Variants in SLC29A2 observed in about 807,000 individuals in gnomAD.
The protein encoded by SLC29A2 is solute carrier family 29 member 2.
SLC29A2 carries 37 observed loss-of-function variants against 48.8 expected under a neutral mutation model. That is an observed-to-expected ratio of 0.76 (90% CI 0.58 to 1.00). The LOEUF (loss-of-function observed/expected upper bound fraction) is 1.00. SLC29A2 is among the 50% of genes least tolerant of loss of function. SLC29A2 has a pLI of 0.00. For missense variants in SLC29A2, 533 were observed against 578.6 expected, an observed-to-expected ratio of 0.92 and a Z score of 0.81; for synonymous variants, 233 against 261.7, an observed-to-expected ratio of 0.89 and a Z score of 1.06.
intron 4 of SLC29A2, 143 bp downstream of exon 4, chr11:66,368,917 T>C: frequency 8.3e-7 from 1 of 1,209,036 alleles, no homozygotes; most frequent in South Asian, 1.4e-5. Context: ...ACTCTTCCCC[T>C]CCCTGTGGGC....
At chr11:66,372,073 G>T (rs1049345334), upstream of SLC29A2, 28 of 163,934 alleles carry the variant, frequency 1.7e-4, no homozygotes, top group South Asian at 4.9e-4. Context: ...CGCTTCGTCA[G>T]CTCCGAGGTG....
In SLC29A2 at chr11:66,371,585, G is replaced by A. The variant is rs1400484393; in HGVS notation, c.7C>T (p.Arg3Ter). The change falls in exon 1 of 12, where the codon CGA becomes TGA. Residue 3 changes from arginine to a stop codon, truncating the protein, a stop_gained. Transcript: ENST00000357440. LOFTEE classifies it high-confidence loss of function. MA[R>*]GDAPRDSYHL... ...CACCTGTCCCGCGGGGCGTCTCCTCGCGCCATGGCCGCCGCGGCGGATGCG... is the reference window on the plus strand; with the variant it reads ...CACCTGTCCCGCGGGGCGTCTCCTCACGCCATGGCCGCCGCGGCGGATGCG... The A allele has an allele frequency of 6.5e-7, 1 of 1,549,578 alleles. No homozygotes were observed. Among genetic ancestry groups the A allele is most frequent in the Admixed American group, 1.9e-5 (1 of 51,502 alleles).
chr11:66,366,374 A>G (rs1855694181), intron 8 of SLC29A2, 57 bp downstream of exon 8: 1 of 1,613,572 alleles, frequency 6.2e-7, no homozygotes, highest in African/African-American at 1.3e-5. Flanking sequence ...CCTTGGAGTC[A>G]ATGTGAGCCC....
chr11:66,371,245 G>C lies in SLC29A2; in HGVS notation c.110C>G (p.Pro37Arg), dbSNP rs975364651. 9 of 1,613,414 alleles carry C rather than the reference G, an allele frequency of 5.6e-6. No homozygotes were observed. The highest frequency in any genetic ancestry group is 5.3e-5 in the African/African-American group (4 of 74,930). ...CTGCCACGCCGCCAGGAGTCTCACC[G>C]GGATGGCGGTGATGAAGAAGTTCCA... Reference protein sequence around the residue: ...LPWNFFITAIPYFQARLAGAG... With the variant: ...LPWNFFITAIRYFQARLAGAG... The change falls in exon 2 of 12, where the codon CCG becomes CGG. Residue 37 changes from proline (P) to arginine (R), a missense_variant and splice_region_variant. Pro to Arg is a moderately radical substitution (Grantham distance 103). Transcript: ENST00000357440.
At position 66,366,194 on chromosome 11, in the gene SLC29A2, G is replaced by T; in HGVS notation, c.905C>A (p.Thr302Lys). ...GGCGGGGAAGACGGACAGGGTGACT[G>T]TGAAGACCAACACAAGGCACAGCGC... ...LTALCLVLVF[T>K]VTLSVFPAIT... Residue 302 changes from threonine to lysine, a missense_variant, in exon 9 of 12, where the codon ACA (threonine) becomes AAA (lysine). Transcript: ENST00000357440. 6.2e-7 allele frequency: 1 copy of T among 1,614,230 alleles called. No homozygotes were observed. The highest frequency in any genetic ancestry group is 1.6e-4 in the Middle Eastern group (1 of 6,062).
Position 66,369,104 on chromosome 11 carries a change from C to T in SLC29A2, c.371G>A (p.Gly124Glu), listed in dbSNP as rs748937626. The T allele has an allele frequency of 4.4e-6, 7 of 1,596,416 alleles. No individual in the cohort carries two copies. Among genetic ancestry groups the T allele is most frequent in the Non-Finnish European group, 6.0e-6 (7 of 1,171,744 alleles). The stretch of plus-strand genomic sequence containing the variant: ...GGCCATGGTGATGGAGAAGAAGGGT[C>T]CGGGGCTCATGTCCACCTTGACCAG... ...AALVKVDMSP[G>E]PFFSITMASV... Residue 124 changes from glycine to glutamate, a missense_variant, in exon 4 of 12, where the codon GGA becomes GAA. Gly to Glu is a moderately conservative substitution (Grantham distance 98, BLOSUM62 -2). Transcript: ENST00000357440.
chr11:66,371,608 G>A lies in SLC29A2; in HGVS notation c.-17C>T. 1 of 1,546,786 alleles carries A rather than the reference G, an allele frequency of 6.5e-7. No homozygotes were observed. The highest frequency in any genetic ancestry group is 8.7e-7 in the Non-Finnish European group (1 of 1,150,300). On this transcript the variant is annotated 5_prime_UTR_variant, in exon 1 of 12. Coordinates refer to ENST00000357440, the MANE Select transcript of SLC29A2 (RefSeq NM_001532.3). ...TCGCGCCATGGCCGCCGCGGCGGAT[G>A]CGCCTGGGGTGAAAGGGGCAGAGAA...
chr11:66,368,552 G>C lies in SLC29A2; in HGVS notation c.535C>G (p.Leu179Val), dbSNP rs1444362518. Residue 179 changes from leucine (L) to valine (V), a missense_variant, in exon 5 of 12, where the codon CTC (leucine) becomes GTC (valine). By Grantham distance (32) the Leu-to-Val change is conservative (BLOSUM62 1). Coordinates refer to ENST00000357440, the MANE Select transcript of SLC29A2 (RefSeq NM_001532.3). ...LAGIFAALAM[L>V]LSMASGVDAE... Reference sequence around the variant, plus strand: ...GTGCACTCACTGGCCATGGACAGGAGCATGGCAAGGGCAGCAAAGATCCCA... The same window carrying C: ...GTGCACTCACTGGCCATGGACAGGACCATGGCAAGGGCAGCAAAGATCCCA... 3 of 1,613,416 alleles carry C rather than the reference G, an allele frequency of 1.9e-6. No homozygotes were observed. In the African/African-American group the frequency reaches 4.0e-5, roughly 22 times the overall value.
intron 2 of SLC29A2, 62 bp from the exon 3 acceptor site, chr11:66,369,594 C>A: frequency 6.3e-7 from 1 of 1,586,456 alleles, no homozygotes; most frequent in African/African-American, 1.3e-5. Flanking sequence ...TGCCTTCCCC[C>A]TCACTTGTGA....
At chr11:66,370,991 G>C (rs1401534184) in intron 2 of SLC29A2, among the ~76,000 whole-genome samples, 3 of 152,322 alleles carry the variant, frequency 2.0e-5, no homozygotes, top group Non-Finnish European at 4.4e-5. Context: ...CACACAGAGA[G>C]GGGTGGCAGC....
Position 66,367,553 on chromosome 11 carries a change from A to T in SLC29A2, c.649-5T>A, listed in dbSNP as rs1720627751. 1 of 1,613,896 alleles carries T rather than the reference A, an allele frequency of 6.2e-7. No homozygotes were observed. The highest frequency in any genetic ancestry group is 8.5e-7 in the Non-Finnish European group (1 of 1,179,888). On this transcript the variant is annotated splice_polypyrimidine_tract_variant and splice_region_variant and intron_variant, in intron 6 of 11. Transcript: ENST00000357440. ...CAGGTAGTAGCGGGCAAACTTCTGC[A>T]GAAGGACAGGAAAGTGTTGGGCCTG... is the stretch of plus-strand genomic sequence containing the variant.
chr11:66,370,371 A>G (rs1855962107), intron 2 of SLC29A2, among the ~76,000 whole-genome samples: 1 of 152,198 alleles, frequency 6.6e-6, no homozygotes, highest in Non-Finnish European at 1.5e-5. Flanking sequence ...GGGCTGATTC[A>G]TCTCTGGGTT....
At chr11:66,365,332 G>A (rs1242644755) in intron 10 of SLC29A2, among the ~76,000 whole-genome samples, 2 of 152,218 alleles carry the variant, frequency 1.3e-5, no homozygotes, top group Non-Finnish European at 2.9e-5. Context: ...ACCCAGCACT[G>A]GGGCCTGGGC....
Position 66,363,264 on chromosome 11 carries a change from C to T in SLC29A2, c.*172G>A, listed in dbSNP as rs187031975. ...GAATGACCGGTGGTGATTTCTTCCC[C>T]ACAGCACTCCAAGTGGATGAAGAGC... On this transcript the variant is annotated 3_prime_UTR_variant, in exon 12 of 12. Coordinates refer to ENST00000357440, the MANE Select transcript of SLC29A2 (RefSeq NM_001532.3). The T allele has an allele frequency of 4.6e-5, 31 of 676,570 alleles. No homozygotes were observed. Among genetic ancestry groups the T allele is most frequent in the African/African-American group, 2.9e-4 (16 of 55,998 alleles). The allele number at this position is 676,570 out of a possible 1,614,324, so 41.9% of individuals were successfully genotyped here. A position where few individuals can be genotyped will look rare whatever the true frequency, so the allele number is the denominator to read the frequency against.
Position 66,363,152 on chromosome 11 carries a change from C to T in SLC29A2, c.*284G>A. 2.3e-6 allele frequency: 1 copy of T among 434,434 alleles called. No individual in the cohort carries two copies. The highest frequency in any genetic ancestry group is 2.1e-5 in the South Asian group (1 of 48,390). The allele number at this position is 434,434 out of a possible 1,614,324, so 26.9% of individuals were successfully genotyped here. On this transcript the variant is annotated 3_prime_UTR_variant, in exon 12 of 12. Coordinates refer to ENST00000357440, the MANE Select transcript of SLC29A2 (RefSeq NM_001532.3). ...CAAATGCAGACCTGGTGGTGGGGAG[C>T]AGCCGTGCCCTGCACCCTCTTTTCC...
upstream of SLC29A2, chr11:66,371,790 C>T (rs1856062692): frequency 1.7e-6 from 1 of 588,150 alleles, no homozygotes; most frequent in Non-Finnish European, 3.0e-6. Context: ...CTGGGCTCCG[C>T]CCCGAGGCGG....
intron 11 of SLC29A2, 72 bp from the exon 12 acceptor site, chr11:66,363,619 G>T: frequency 8.7e-7 from 1 of 1,151,954 alleles, no homozygotes; most frequent in Non-Finnish European, 1.3e-6. Context: ...ACTGCCCTCT[G>T]CCCATCCAGT....
chr11:66,368,735 G>A, intron 4 of SLC29A2, 64 bp from the exon 5 acceptor site: 1 of 1,554,420 alleles, frequency 6.4e-7, no homozygotes, highest in South Asian at 1.2e-5. Context: ...CCCTGGAGGA[G>A]GTGCCGGCAG....
chr11:66,369,043 G>C lies in SLC29A2; in HGVS notation c.415+17C>G, dbSNP rs368595657. On this transcript the variant is annotated intron_variant, in intron 4 of 11. Transcript: ENST00000357440. ...AGCCCTGCATAGGCTGGCTGGAGAG[G>C]GGGTGGAGGTGCTCACAGTTGATGA... 9 of 1,594,658 alleles carry C rather than the reference G, an allele frequency of 5.6e-6. No homozygotes were observed. The Admixed American group carries it at 8.7e-5, about 15-fold the overall frequency.
Sources: allele counts gnomAD v4.1 joint callset (sites outside exome capture counted in the v4.1 genomes callset), GRCh38; gene constraint gnomAD v4.1.1; transcripts MANE v1.5; gene names NCBI Gene and HGNC (gene_info 2026-07-23, HGNC 2026-07-21).